Variants in IPCEF1 observed in about 807,000 individuals in gnomAD.
IPCEF1 encodes interactor protein for cytohesin exchange factors 1.
IPCEF1 carries 31 observed loss-of-function variants against 50.9 expected under a neutral mutation model. The ratio of observed to expected loss-of-function variants is 0.61; its 90% CI spans 0.46 to 0.82. The LOEUF is 0.82. IPCEF1 is among the 40% of genes least tolerant of loss of function. The pLI is 0.00. For synonymous variants in IPCEF1, 181 were observed against 192.0 expected, an observed-to-expected ratio of 0.94 and a Z score of 0.47; for missense variants, 458 against 514.0, an observed-to-expected ratio of 0.89 and a Z score of 1.05.
At chr6:154,272,166 G>C (rs965942621) in intron 2 of IPCEF1, among the ~76,000 whole-genome samples, 5 of 152,176 alleles carry the variant, frequency 3.3e-5, no homozygotes, top group African/African-American at 1.2e-4. Context: ...AGAATTAAAC[G>C]AGATATCATA....
intron 10 of IPCEF1, among the ~76,000 whole-genome samples, chr6:154,170,136 G>A (rs933850746): frequency 5.9e-5 from 9 of 152,162 alleles, no homozygotes; most frequent in Non-Finnish European, 1.3e-4. Context: ...TTCATCCTTT[G>A]ATGTTGCTTT....
intron 5 of IPCEF1, among the ~76,000 whole-genome samples, chr6:154,226,578 T>A (rs1461888562): frequency 6.6e-6 from 1 of 152,132 alleles, no homozygotes; most frequent in Non-Finnish European, 1.5e-5. Context: ...ACCTACTGCC[T>A]CCTTCAACTT....
At chr6:154,214,446 T>C (rs563064536) in intron 7 of IPCEF1, 170 bp from the exon 8 acceptor site, 3 of 631,080 alleles carry the variant, frequency 4.8e-6, no homozygotes, top group Admixed American at 2.7e-5. Context: ...GGTTTCACAA[T>C]ACTTTCCATA....
intron 7 of IPCEF1, among the ~76,000 whole-genome samples, chr6:154,215,698 C>T (rs1419108113): frequency 6.6e-6 from 1 of 152,106 alleles, no homozygotes; most frequent in African/African-American, 2.4e-5. Context: ...TAAGAAATCA[C>T]CTTCAGCACA....
intron 1 of IPCEF1, among the ~76,000 whole-genome samples, chr6:154,353,552 C>T (rs1383840799): frequency 6.6e-6 from 1 of 152,110 alleles, no homozygotes; most frequent in Non-Finnish European, 1.5e-5. Context: ...CTCCCAAAGT[C>T]CTGGGATTAC....
chr6:154,329,447 A>T (rs1404623668), intron 1 of IPCEF1, among the ~76,000 whole-genome samples: 1 of 152,072 alleles, frequency 6.6e-6, no homozygotes, highest in African/African-American at 2.4e-5. Flanking sequence ...AATAAAAAAA[A>T]TTAGCCAGGT....
At chr6:154,167,076 C>T (rs1019799274) in intron 11 of IPCEF1, among the ~76,000 whole-genome samples, 13 of 152,182 alleles carry the variant, frequency 8.5e-5, no homozygotes, top group Non-Finnish European at 1.9e-4. Flanking sequence ...CTTTCAATTG[C>T]TGACATTTCT....
chr6:154,163,078 G>A (rs1036689379), intron 11 of IPCEF1, among the ~76,000 whole-genome samples: 5 of 152,142 alleles, frequency 3.3e-5, no homozygotes, highest in African/African-American at 1.2e-4. Context: ...TCTACCTTCA[G>A]ACATGACACA....
rs367763081 is a variant in IPCEF1, at chr6:154,265,585, C to T, written c.36+327G>A. On this transcript the variant is annotated intron_variant, in intron 3 of 11. Coordinates refer to ENST00000367220, the MANE Select transcript of IPCEF1 (RefSeq NM_001130700.2). ...TGAGCCACCGTGCCCAGCCCTATTT[C>T]AGTGAAATTATTAACAGAATTTTTC... Among the ~76,000 whole-genome samples the T allele has an allele frequency of 2.2e-4, 34 of 152,190 alleles. No homozygotes were observed. In the South Asian group the frequency reaches 6.6e-3, roughly 30 times the overall value.
At chr6:154,197,486 A>G (rs553766268) in intron 10 of IPCEF1, among the ~76,000 whole-genome samples, 1 of 152,300 alleles carries the variant, frequency 6.6e-6, no homozygotes, top group Admixed American at 6.5e-5. Context: ...GAAAAAAAAT[A>G]CTTTCATTTT....
chr6:154,214,671 G>A (rs1562545936), intron 7 of IPCEF1, among the ~76,000 whole-genome samples: 1 of 152,072 alleles, frequency 6.6e-6, no homozygotes, highest in Non-Finnish European at 1.5e-5. Context: ...TCTTAATAAT[G>A]TCAGTTTATT....
intron 2 of IPCEF1, among the ~76,000 whole-genome samples, chr6:154,272,816 T>C (rs1362418141): frequency 1.3e-5 from 2 of 152,162 alleles, no homozygotes; most frequent in Non-Finnish European, 2.9e-5. Context: ...GAACCAAGAA[T>C]ATCAATCCCC....
intron 2 of IPCEF1, among the ~76,000 whole-genome samples, chr6:154,273,704 T>TTCCTTTC: frequency 1.3e-5 from 1 of 77,300 alleles, no homozygotes; most frequent in Non-Finnish European, 2.6e-5. Context: ...TTTTTTCTTT[T>TTCCTTTC]TTTCTTTCTT....
chr6:154,351,606 T>G (rs1244198097), intron 1 of IPCEF1, among the ~76,000 whole-genome samples: 2 of 152,204 alleles, frequency 1.3e-5, no homozygotes, highest in African/African-American at 4.8e-5. Flanking sequence ...ACAAAACCTT[T>G]AACATAAATG....
chr6:154,334,663 A>C (rs1783751321), intron 1 of IPCEF1, among the ~76,000 whole-genome samples: 1 of 152,170 alleles, frequency 6.6e-6, no homozygotes, highest in Non-Finnish European at 1.5e-5. Flanking sequence ...GAGTGGGGAA[A>C]CCTTACATAA....
intron 10 of IPCEF1, among the ~76,000 whole-genome samples, chr6:154,187,293 T>TA (rs938143765): frequency 5.3e-5 from 8 of 152,228 alleles, no homozygotes; most frequent in South Asian, 2.1e-4. Flanking sequence ...CTGCCTCTTG[T>TA]AAAAAAAGCA....
At chr6:154,174,787 T>C (rs972382709) in intron 10 of IPCEF1, among the ~76,000 whole-genome samples, 1 of 152,224 alleles carries the variant, frequency 6.6e-6, no homozygotes, top group East Asian at 1.9e-4. Flanking sequence ...AACAAGGATA[T>C]CCAGGACTTG....
At position 154,214,229 on chromosome 6, in the gene IPCEF1, G is replaced by C; in HGVS notation, c.440C>G (p.Thr147Arg). The change falls in exon 8 of 12, where the codon ACA becomes AGA. Residue 147 changes from threonine (T) to arginine (R), a missense_variant. Thr to Arg is a moderately conservative substitution (Grantham distance 71). Coordinates refer to ENST00000367220, the MANE Select transcript of IPCEF1 (RefSeq NM_001130700.2). ...AAAATAGAACATACCTTCATCCTTT[G>C]TAGTGGATTCCTGATGGATTACAGC... ...GSAVIHQEST[T>R]KDEECYSESE... is the part of the protein sequence containing the mutation. 2 of 1,604,270 alleles carry C rather than the reference G, an allele frequency of 1.2e-6. No homozygotes were observed. Among genetic ancestry groups the C allele is most frequent in the Non-Finnish European group, 1.7e-6 (2 of 1,171,104 alleles).
At chr6:154,344,663 A>AG (rs1238377330) in intron 1 of IPCEF1, among the ~76,000 whole-genome samples, 1 of 152,206 alleles carries the variant, frequency 6.6e-6, no homozygotes, top group African/African-American at 2.4e-5. Flanking sequence ...AGATGGCGCC[A>AG]GGGGAGAGCT....
Sources: gnomAD v4.1 joint callset for allele counts (sites outside exome capture counted in the v4.1 genomes callset) on GRCh38, gnomAD v4.1.1 for gene constraint, MANE v1.5 for transcripts, NCBI Gene and HGNC (gene_info 2026-07-23, HGNC 2026-07-21) for gene names.